Variants in LDLRAD4 observed in about 807,000 individuals in gnomAD.
LDLRAD4 encodes low density lipoprotein receptor class A domain containing 4.
Under a neutral mutation model 17.0 loss-of-function variants are expected in LDLRAD4, and 5 were observed. The observed-to-expected ratio is 0.29, with a 90% CI of 0.15 to 0.62. LDLRAD4 has a LOEUF of 0.62. Among genes scored for constraint, LDLRAD4 ranks in the 20% least tolerant of loss-of-function variants. The pLI is 0.84. For missense variants in LDLRAD4, 340 were observed against 424.7 expected (o/e 0.80, Z 1.75); for synonymous variants, 168 against 171.8 (o/e 0.98, Z 0.17).
chr18:13,495,893 G>A (rs888810969), intron 3 of LDLRAD4, among the ~76,000 whole-genome samples: 2 of 152,168 alleles, frequency 1.3e-5, no homozygotes, highest in Admixed American at 6.6e-5. Flanking sequence ...TAGCTCAGTC[G>A]GGTCGCCTCG....
At chr18:13,431,544 C>T (rs1236414681) in intron 2 of LDLRAD4, among the ~76,000 whole-genome samples, 6 of 152,232 alleles carry the variant, frequency 3.9e-5, no homozygotes, top group South Asian at 2.1e-4. Context: ...TCTGTAAGTC[C>T]GAAGCCTGAG....
chr18:13,295,662 G>A (rs548518315), intron 1 of LDLRAD4, among the ~76,000 whole-genome samples: 3 of 152,336 alleles, frequency 2.0e-5, no homozygotes, highest in South Asian at 4.1e-4. Context: ...TGACTCCCAA[G>A]GGGGAAAAGT....
At chr18:13,553,144 A>G (rs2094451412) in intron 3 of LDLRAD4, among the ~76,000 whole-genome samples, 1 of 152,248 alleles carries the variant, frequency 6.6e-6, no homozygotes. Flanking sequence ...TGAGTGGGAA[A>G]TAGATGGAAA....
At chr18:13,521,862 GTC>G (rs1055149747) in intron 3 of LDLRAD4, 19 of 146,844 alleles carry the variant, frequency 1.3e-4, no homozygotes, top group African/African-American at 4.8e-4. Context: ...TCTAGTAGCC[GTC>G]TCTGTTTTCT....
intron 3 of LDLRAD4, among the ~76,000 whole-genome samples, chr18:13,442,752 C>T (rs530795438): frequency 1.3e-5 from 2 of 152,292 alleles, no homozygotes; most frequent in African/African-American, 4.8e-5. Flanking sequence ...AGCGTTCCTT[C>T]GACCGTCCAG....
chr18:13,601,311 A>G (rs993895183), intron 3 of LDLRAD4, among the ~76,000 whole-genome samples: 1 of 152,260 alleles, frequency 6.6e-6, no homozygotes, highest in Non-Finnish European at 1.5e-5. Context: ...AAAACTGGGC[A>G]AAGGACATGA....
At chr18:13,412,122 G>A (rs1319413218) in intron 2 of LDLRAD4, among the ~76,000 whole-genome samples, 2 of 152,212 alleles carry the variant, frequency 1.3e-5, no homozygotes, top group Admixed American at 1.3e-4. Context: ...AGATTACAGG[G>A]ATGAGCCATC....
At chr18:13,564,483 T>A (rs535516958) in intron 3 of LDLRAD4, among the ~76,000 whole-genome samples, 2 of 150,504 alleles carry the variant, frequency 1.3e-5, no homozygotes, top group South Asian at 4.2e-4. Flanking sequence ...AAGACCTGCA[T>A]ACTTAGTGCT....
chr18:13,333,043 G>A (rs2081945005), intron 1 of LDLRAD4, among the ~76,000 whole-genome samples: 1 of 152,196 alleles, frequency 6.6e-6, no homozygotes, highest in African/African-American at 2.4e-5. Context: ...ATCAATAAAT[G>A]AGAGTTCTGT....
At chr18:13,564,336 T>C (rs1202289910) in intron 3 of LDLRAD4, among the ~76,000 whole-genome samples, 2 of 152,168 alleles carry the variant, frequency 1.3e-5, no homozygotes, top group African/African-American at 4.8e-5. Context: ...AGCAAGCCTA[T>C]GTTGTTGTAT....
rs994216011 is a variant in LDLRAD4 at position 13,282,815 on chromosome 18, C to G, written c.-383+4627C>G. Among the ~76,000 whole-genome samples, 21 of 152,346 alleles carry G rather than the reference C, an allele frequency of 1.4e-4. 1 individual carries two copies. The South Asian group carries it at 2.1e-3, about 15-fold the overall frequency. On this transcript the variant is annotated intron_variant, in intron 1 of 5. Coordinates refer to ENST00000359446, the Ensembl canonical transcript of LDLRAD4. ...CAGTAGGGACTCTGTGTGGGGGCTC[C>G]CTAGCAGAGGTTCTCCATGAGGGCC...
chr18:13,237,643 A>G (rs2042402623), intron 1 of LDLRAD4, among the ~76,000 whole-genome samples: 2 of 152,184 alleles, frequency 1.3e-5, no homozygotes, highest in Non-Finnish European at 2.9e-5. Context: ...CCGAGCAACC[A>G]AAGATCCATT....
intron 4 of LDLRAD4, among the ~76,000 whole-genome samples, chr18:13,632,877 C>T (rs1413622293): frequency 6.6e-6 from 1 of 152,028 alleles, no homozygotes; most frequent in African/African-American, 2.4e-5. Flanking sequence ...ATCCTGATGT[C>T]TGTCTGTCCA....
chr18:13,442,067 G>A (rs893070306), intron 3 of LDLRAD4, among the ~76,000 whole-genome samples: 4 of 152,054 alleles, frequency 2.6e-5, no homozygotes, highest in East Asian at 1.9e-4. Context: ...ATTGTACCCC[G>A]AGCACTAAAC....
chr18:13,649,706 A>C (rs2043165204), exon 6 of LDLRAD4: 2 of 213,988 alleles, frequency 9.3e-6, no homozygotes, highest in African/African-American at 2.3e-5. Flanking sequence ...TTTGTGTACC[A>C]TTCATTTTTT....
intron 1 of LDLRAD4, among the ~76,000 whole-genome samples, chr18:13,291,828 A>G (rs1475456451): frequency 1.3e-5 from 2 of 152,092 alleles, no homozygotes; most frequent in Admixed American, 6.5e-5. Flanking sequence ...GTGCTTTTTT[A>G]TGCTTAAGAT....
chr18:13,462,722 C>T (rs181596402), intron 3 of LDLRAD4, among the ~76,000 whole-genome samples: 3 of 152,170 alleles, frequency 2.0e-5, no homozygotes, highest in African/African-American at 7.2e-5. Context: ...AGTGTGGGCT[C>T]AGTCATGGTG....
intron 1 of LDLRAD4, among the ~76,000 whole-genome samples, chr18:13,290,750 G>C (rs1184582674): frequency 1.3e-5 from 2 of 152,204 alleles, no homozygotes; most frequent in African/African-American, 4.8e-5. Flanking sequence ...TCAGAAGTTA[G>C]ATTATACCAG....
chr18:13,390,650 A>G (rs1273679909), intron 2 of LDLRAD4, among the ~76,000 whole-genome samples: 1 of 150,280 alleles, frequency 6.7e-6, no homozygotes, highest in Non-Finnish European at 1.5e-5. Context: ...TGAGGGGGTC[A>G]TGTCTCAAAA....
Sources: gnomAD v4.1 joint callset for allele counts (sites outside exome capture counted in the v4.1 genomes callset) on GRCh38, gnomAD v4.1.1 for gene constraint, MANE v1.5 for transcripts, NCBI Gene and HGNC (gene_info 2026-07-23, HGNC 2026-07-21) for gene names.